BUB1: variants seen among roughly 807,000 people sequenced by gnomAD.
BUB1 encodes BUB1 mitotic checkpoint serine/threonine kinase, also known as mitotic checkpoint serine/threonine-protein kinase BUB1.
A neutral mutation model predicts 135.2 loss-of-function variants in BUB1; 84 were observed. The ratio of observed to expected loss-of-function variants is 0.62; its 90% confidence interval spans 0.52 to 0.74. BUB1 has a LOEUF of 0.74. Ranked by LOEUF, BUB1 falls within the 30% of genes least tolerant of loss-of-function variation. The pLI is 0.00. For missense variants in BUB1, 1,162 were observed against 1,288.3 expected (o/e 0.90, Z 1.50); for synonymous variants, 403 against 434.4 (o/e 0.93, Z 0.90).
chr2:110,641,030 A>C lies in BUB1; in HGVS notation c.2955+4T>G. The stretch of plus-strand genomic sequence containing the variant: ...TTTCCAAGTCCCTCACTTTAGTTTT[A>C]TACCTGGTAGTTCCATGGTTTGTTG... On this transcript the variant is annotated splice_donor_region_variant and intron_variant, in intron 23 of 24. Transcript: ENST00000302759. 6.4e-7 allele frequency: 1 copy of C among 1,558,432 alleles called. No individual in the cohort carries two copies. The highest frequency in any genetic ancestry group is 8.7e-7 in the Non-Finnish European group (1 of 1,155,748).
intron 15 of BUB1, among the ~76,000 whole-genome samples, chr2:110,656,386 G>A (rs904734186): frequency 6.6e-6 from 1 of 152,076 alleles, no homozygotes; most frequent in Non-Finnish European, 1.5e-5. Context: ...TAGTTCTCAA[G>A]TGTTCTTAGC....
chr2:110,672,942 G>T, intron 3 of BUB1, 85 bp from the exon 4 acceptor site: 1 of 1,365,244 alleles, frequency 7.3e-7, no homozygotes, highest in Non-Finnish European at 9.8e-7. Context: ...TAAGCTGGGA[G>T]CCCCTAGGTA....
At chr2:110,668,641 G>C (rs185463866) in intron 6 of BUB1, among the ~76,000 whole-genome samples, 2 of 152,306 alleles carry the variant, frequency 1.3e-5, no homozygotes, top group East Asian at 1.9e-4. Flanking sequence ...GGGAAGAAGA[G>C]AGACTTGAGC....
chr2:110,664,380 T>G (rs1053132031), intron 9 of BUB1, among the ~76,000 whole-genome samples: 2 of 152,112 alleles, frequency 1.3e-5, no homozygotes, highest in Non-Finnish European at 2.9e-5. Flanking sequence ...TCAGAAGGAC[T>G]CTGGGTTTTT....
rs749797245 is a variant in BUB1, at chr2:110,655,842, TGCC to T, written c.1770_1772del (p.Ala591del). The T allele has an allele frequency of 2.5e-6, 4 of 1,614,020 alleles. No homozygotes were observed. The Admixed American group carries it at 6.7e-5, about 27-fold the overall frequency. The stretch of plus-strand genomic sequence containing the variant: ...AGTCTCCTGGGCTCTTAGGACTGGG[TGCC>T]AGGGTTTTGTTGCAGCGAATACCCC... On this transcript the variant is annotated inframe_deletion, in exon 16 of 25. Transcript: ENST00000302759.
intron 19 of BUB1, among the ~76,000 whole-genome samples, chr2:110,643,579 G>C (rs1460560510): frequency 6.6e-6 from 1 of 152,210 alleles, no homozygotes; most frequent in African/African-American, 2.4e-5. Flanking sequence ...TGAAGAGCCA[G>C]AGTAAGCATC....
chr2:110,641,533 T>C lies in BUB1; in HGVS notation c.2626-69A>G, dbSNP rs1369740578. 22 of 1,558,696 alleles carry C rather than the reference T, an allele frequency of 1.4e-5. 1 individual carries two copies. In the South Asian group the frequency reaches 2.3e-4, roughly 16 times the overall value. On this transcript the variant is annotated intron_variant, in intron 21 of 24. Transcript: ENST00000302759. ...TTAATAAAATTTCAAATTGAGAGCT[T>C]TGCCCCTGCCCACCACTCCACAAAA... is the stretch of plus-strand genomic sequence containing the variant.
At position 110,667,321 on chromosome 2, in the gene BUB1, T is replaced by C. The variant is rs933024127; in HGVS notation, c.805+200A>G. 3.9e-5 allele frequency among the ~76,000 whole-genome samples: 6 copies of C among 152,112 alleles called. No homozygotes were observed. In the East Asian group the frequency reaches 7.7e-4, roughly 20 times the overall value. Reference sequence around the variant, plus strand: ...CAATTTCCAATTCAGAAAAAAAAAGTGCAGCTTGCTGCCAGCGCAGTTTTC... The same window carrying C: ...CAATTTCCAATTCAGAAAAAAAAAGCGCAGCTTGCTGCCAGCGCAGTTTTC... On this transcript the variant is annotated intron_variant, in intron 8 of 24. Coordinates refer to ENST00000302759, the MANE Select transcript of BUB1 (RefSeq NM_004336.5).
At chr2:110,663,952 C>T (rs1437507647) in intron 9 of BUB1, among the ~76,000 whole-genome samples, 1 of 151,240 alleles carries the variant, frequency 6.6e-6, no homozygotes, top group Non-Finnish European at 1.5e-5. Context: ...TGGCGTGAAC[C>T]CGGGAGGCGG....
At chr2:110,652,593 C>A (rs1574321523) in intron 17 of BUB1, among the ~76,000 whole-genome samples, 1 of 151,986 alleles carries the variant, frequency 6.6e-6, no homozygotes, top group Non-Finnish European at 1.5e-5. Context: ...TGTCTGTATT[C>A]CCCTTAAGAA....
intron 24 of BUB1, among the ~76,000 whole-genome samples, chr2:110,638,806 C>T (rs1218397554): frequency 1.3e-5 from 2 of 152,222 alleles, no homozygotes; most frequent in East Asian, 3.8e-4. Flanking sequence ...AAAGTATTTA[C>T]TAAACATGAG....
At chr2:110,671,401 A>G (rs550536638) in intron 4 of BUB1, among the ~76,000 whole-genome samples, 1 of 152,338 alleles carries the variant, frequency 6.6e-6, no homozygotes, top group East Asian at 1.9e-4. Flanking sequence ...TTGGTGATAG[A>G]TAAATGGAAG....
At chr2:110,646,144 A>AT (rs1172569827) in intron 19 of BUB1, among the ~76,000 whole-genome samples, 1 of 146,704 alleles carries the variant, frequency 6.8e-6, no homozygotes, top group African/African-American at 2.6e-5. Context: ...CCTGGGCAAC[A>AT]TAGCGAGAAC....
chr2:110,677,867 G>A, intron 1 of BUB1, 103 bp downstream of exon 1: 2 of 1,367,308 alleles, frequency 1.5e-6, no homozygotes, highest in Non-Finnish European at 2.0e-6. Context: ...AACCCAGGAA[G>A]GGGGCGAAGG....
At chr2:110,638,873 C>G (rs1443555044) in intron 24 of BUB1, among the ~76,000 whole-genome samples, 2 of 151,998 alleles carry the variant, frequency 1.3e-5, no homozygotes, top group Non-Finnish European at 2.9e-5. Flanking sequence ...GGGCCTGAAC[C>G]TAACCTTACT....
chr2:110,665,358 G>A (rs1208595990), intron 9 of BUB1, among the ~76,000 whole-genome samples: 3 of 151,976 alleles, frequency 2.0e-5, no homozygotes, highest in African/African-American at 7.3e-5. Context: ...CAAGAGGATC[G>A]CTTGAGCCCA....
At chr2:110,669,684 C>T in intron 5 of BUB1, 131 bp from the exon 6 acceptor site, 3 of 571,596 alleles carry the variant, frequency 5.2e-6, no homozygotes, top group Non-Finnish European at 9.2e-6. Flanking sequence ...CACACTGTCT[C>T]AGAAATTTCA....
intron 19 of BUB1, among the ~76,000 whole-genome samples, chr2:110,642,985 C>A (rs777040955): frequency 1.8e-4 from 28 of 152,166 alleles, no homozygotes; most frequent in Non-Finnish European, 3.7e-4. Flanking sequence ...AGCTAACACA[C>A]CTAGACTGTA....
intron 1 of BUB1, chr2:110,675,149 C>T (rs1690539063): frequency 1.3e-5 from 2 of 152,278 alleles, no homozygotes; most frequent in African/African-American, 4.8e-5. Flanking sequence ...CTTCCATATA[C>T]TCAACTACAG....
Sources: gnomAD v4.1 joint callset for allele counts (sites outside exome capture counted in the v4.1 genomes callset) on GRCh38, gnomAD v4.1.1 for gene constraint, MANE v1.5 for transcripts, NCBI Gene and HGNC (gene_info 2026-07-23, HGNC 2026-07-21) for gene names.